KCNA7: variants seen among roughly 807,000 people sequenced by gnomAD.
KCNA7 encodes potassium channel, voltage gated shaker related subfamily A, member 7.
KCNA7 carries 15 observed loss-of-function variants against 21.5 expected under a neutral mutation model. That is an observed-to-expected ratio of 0.70 (90% CI 0.47 to 1.07). The LOEUF (loss-of-function observed/expected upper bound fraction) is 1.07. KCNA7 is among the 50% of genes least tolerant of loss of function. KCNA7 has a pLI of 0.00. For synonymous variants in KCNA7, 298 were observed against 291.0 expected (o/e 1.02, Z -0.24); for missense variants, 640 against 651.6 (o/e 0.98, Z 0.19).
At position 49,070,592 on chromosome 19, in the gene KCNA7, C is replaced by T. The variant is rs1319506687; in HGVS notation, c.842G>A (p.Arg281Gln). 3.1e-6 allele frequency: 5 copies of T among 1,614,182 alleles called. No homozygotes were observed. Among genetic ancestry groups the T allele is most frequent in the South Asian group, 1.1e-5 (1 of 91,084 alleles). The change falls in exon 2 of 2, where the codon CGA becomes CAA. Residue 281 changes from arginine to glutamine, a missense_variant. Arg to Gln is a conservative substitution (Grantham distance 43). Transcript: ENST00000221444. This position sits in a 1 kb window ranked among gnomAD's most constrained non-coding sequence, Gnocchi z 4.3. ...AMSLAILRVIRLVRVFRIFKL... is the reference protein window; with the variant it reads ...AMSLAILRVIQLVRVFRIFKL... ...GAAGATGCGGAAGACACGCACCAAT[C>T]GGATGACTCTCAGGATGGCCAGTGA...
At chr19:49,071,806 G>C (rs1240443414) in intron 1 of KCNA7, among the ~76,000 whole-genome samples, 3 of 152,032 alleles carry the variant, frequency 2.0e-5, no homozygotes, top group African/African-American at 7.3e-5. Flanking sequence ...TTGCATCAAG[G>C]GCCCTGCCCT....
Position 49,072,302 on chromosome 19 carries a change from A to T in KCNA7, c.284T>A (p.Phe95Tyr). The change falls in exon 1 of 2, where the codon TTC (phenylalanine) becomes TAC (tyrosine). Residue 95 changes from phenylalanine to tyrosine, a missense_variant. Physicochemically the swap from Phe to Tyr is conservative, Grantham distance 22. Coordinates refer to ENST00000221444, the MANE Select transcript of KCNA7 (RefSeq NM_031886.3). ...PLDVFLEEVA[F>Y]YGLGAAALAR... is the part of the protein sequence containing the mutation. ...CAGGGCCGCCGCGCCCAGCCCGTAG[A>T]AGGCCACCTCTTCCAGGAAGACGTC... The T allele has an allele frequency of 6.3e-7, 1 of 1,586,808 alleles. No homozygotes were observed. The highest frequency in any genetic ancestry group is 2.4e-5 in the East Asian group (1 of 42,550).
At chr19:49,071,209 C>T (rs1297505030) in intron 1 of KCNA7, among the ~76,000 whole-genome samples, 1 of 152,098 alleles carries the variant, frequency 6.6e-6, no homozygotes, top group Non-Finnish European at 1.5e-5. Context: ...AGCATCCCTG[C>T]CCTGGCCCCA....
In KCNA7 at chr19:49,070,347, C is replaced by T. The variant is rs748270841; in HGVS notation, c.1087G>A (p.Asp363Asn). 6.2e-7 allele frequency: 1 copy of T among 1,614,184 alleles called. No individual in the cohort carries two copies. Among genetic ancestry groups the T allele is most frequent in the Non-Finnish European group, 8.5e-7 (1 of 1,180,058 alleles). Residue 363 changes from aspartate to asparagine, a missense_variant, in exon 2 of 2, where the codon GAC becomes AAC. Physicochemically the swap from Asp to Asn is conservative, Grantham distance 23. Coordinates refer to ENST00000221444, the MANE Select transcript of KCNA7 (RefSeq NM_031886.3). The surrounding 1 kb of genome is among the most constrained non-coding windows in gnomAD (Gnocchi z 4.3). Reference sequence around the variant, plus strand: ...CCACCCACAGTGACGGGTGCCATGTCTCCATAGCCAACTGTAGTCATGGTG... The same window carrying T: ...CCACCCACAGTGACGGGTGCCATGTTTCCATAGCCAACTGTAGTCATGGTG... The part of the protein sequence containing the change: ...VVTMTTVGYG[D>N]MAPVTVGGKI...
rs2040234770 is a variant in KCNA7 at position 49,068,576 on chromosome 19, G to C, written c.*1487C>G. The C allele has an allele frequency of 6.6e-6, 1 of 152,400 alleles. No individual in the cohort carries two copies. Among genetic ancestry groups the C allele is most frequent in the African/African-American group, 2.4e-5 (1 of 41,446 alleles). 9.4% of individuals were successfully genotyped at this position (152,400 alleles called of 1,614,324 possible). ...AATCCCCCTTCCTCGGTCTCCCAGA[G>C]TGCTGAGATTACAGGCATGGGCCAC... On this transcript the variant is annotated 3_prime_UTR_variant, in exon 2 of 2. Transcript: ENST00000221444.
rs1449838790 is a variant in KCNA7 at position 49,070,268 on chromosome 19, G to A, written c.1166C>T (p.Pro389Leu). 1 of 1,614,084 alleles carries A rather than the reference G, an allele frequency of 6.2e-7. No individual in the cohort carries two copies. The highest frequency in any genetic ancestry group is 1.3e-5 in the African/African-American group (1 of 74,934). ...GAAATTGGAGACAATGACGGGCACT[G>A]GCAGGGAAATAGTCAGCACGCCCGC... ...AIAGVLTISL[P>L]VPVIVSNFSY... is the part of the protein sequence containing the mutation. Residue 389 changes from proline (P) to leucine (L), a missense_variant, in exon 2 of 2, where the codon CCA (proline) becomes CTA (leucine). Pro to Leu is a moderately conservative substitution (Grantham distance 98). Transcript: ENST00000221444. This position sits in a 1 kb window ranked among gnomAD's most constrained non-coding sequence, Gnocchi z 4.3.
Position 49,070,317 on chromosome 19 carries a change from T to G in KCNA7, c.1117A>C (p.Ile373Leu), listed in dbSNP as rs370367266. The G allele has an allele frequency of 6.2e-7, 1 of 1,614,136 alleles. No homozygotes were observed. Among genetic ancestry groups the G allele is most frequent in the African/African-American group, 1.3e-5 (1 of 75,026 alleles). ...DMAPVTVGGKIVGSLCAIAGV... is the reference protein window; with the variant it reads ...DMAPVTVGGKLVGSLCAIAGV... ...GCAATGGCACACAGAGAGCCCACTA[T>G]CTTGCCACCCACAGTGACGGGTGCC... The change falls in exon 2 of 2, where the codon ATA becomes CTA. Residue 373 changes from isoleucine (I) to leucine (L), a missense_variant. Coordinates refer to ENST00000221444, the MANE Select transcript of KCNA7 (RefSeq NM_031886.3). This position sits in a 1 kb window ranked among gnomAD's most constrained non-coding sequence, Gnocchi z 4.3.
Position 49,071,929 on chromosome 19 carries a change from C to G in KCNA7, c.555+102G>C, listed in dbSNP as rs933100957. On this transcript the variant is annotated intron_variant, in intron 1 of 1. Coordinates refer to ENST00000221444, the MANE Select transcript of KCNA7 (RefSeq NM_031886.3). ...CACCCTGTCTTCGGCTGGCCCACCC[C>G]TCGCAGCCCCTGGCCCCGCCTTATG... is the stretch of plus-strand genomic sequence containing the variant. 5.8e-6 allele frequency: 7 copies of G among 1,198,686 alleles called. No individual in the cohort carries two copies. In the African/African-American group the frequency reaches 1.1e-4, roughly 19 times the overall value. 74.3% of individuals were successfully genotyped at this position (1,198,686 alleles called of 1,614,324 possible).
At position 49,072,234 on chromosome 19, in the gene KCNA7, G is replaced by T. The variant is rs751719528; in HGVS notation, c.352C>A (p.Arg118Ser). ...EDEGCPVPPE[R>S]PLPRRAFARQ... Reference sequence around the variant, plus strand: ...GCGAAGGCGCGGCGGGGCAGGGGGCGCTCGGGCGGCACCGGGCAGCCCTCG... The same window carrying T: ...GCGAAGGCGCGGCGGGGCAGGGGGCTCTCGGGCGGCACCGGGCAGCCCTCG... The change falls in exon 1 of 2, where the codon CGC becomes AGC. Residue 118 changes from arginine to serine, a missense_variant. Transcript: ENST00000221444. 7.5e-6 allele frequency: 12 copies of T among 1,593,796 alleles called. No homozygotes were observed. The highest frequency in any genetic ancestry group is 3.4e-5 in the Admixed American group (2 of 58,224).
rs1273972373 is a variant in KCNA7 at position 49,071,989 on chromosome 19, C to T, written c.555+42G>A. On this transcript the variant is annotated intron_variant, in intron 1 of 1. Coordinates refer to ENST00000221444, the MANE Select transcript of KCNA7 (RefSeq NM_031886.3). Reference sequence around the variant, plus strand: ...GTCCCCTCTGGACCCCGCCCATCTCCTCCCAAACCCCGCCCGTCTCCACCC... The same window carrying T: ...GTCCCCTCTGGACCCCGCCCATCTCTTCCCAAACCCCGCCCGTCTCCACCC... 4 of 1,504,182 alleles carry T rather than the reference C, an allele frequency of 2.7e-6. No homozygotes were observed. The East Asian group carries it at 7.4e-5, about 28-fold the overall frequency. 93.2% of individuals were successfully genotyped at this position (1,504,182 alleles called of 1,614,324 possible). A position where few individuals can be genotyped will look rare whatever the true frequency, so the allele number is the denominator to read the frequency against.
Position 49,072,131 on chromosome 19 carries a change from A to C in KCNA7, c.455T>G (p.Val152Gly), listed in dbSNP as rs1326903233. ...ARVLAVVSVLVILVSIVVFCL... is the reference protein window; with the variant it reads ...ARVLAVVSVLGILVSIVVFCL... ...GAAGACGACGATGGAGACGAGGATGACCAGCACGGAGACTACGGCGAGCAC... is the reference window on the plus strand; with the variant it reads ...GAAGACGACGATGGAGACGAGGATGCCCAGCACGGAGACTACGGCGAGCAC... The change falls in exon 1 of 2, where the codon GTC becomes GGC. Residue 152 changes from valine (V) to glycine (G), a missense_variant. Val to Gly is a moderately radical substitution (Grantham distance 109). Coordinates refer to ENST00000221444, the MANE Select transcript of KCNA7 (RefSeq NM_031886.3). 1 of 1,612,324 alleles carries C rather than the reference A, an allele frequency of 6.2e-7. No individual in the cohort carries two copies. The highest frequency in any genetic ancestry group is 8.5e-7 in the Non-Finnish European group (1 of 1,179,710).
intron 1 of KCNA7, among the ~76,000 whole-genome samples, chr19:49,071,457 A>C (rs1383154015): frequency 6.6e-6 from 1 of 151,826 alleles, no homozygotes; most frequent in East Asian, 1.9e-4. Flanking sequence ...TTGGGAGGCT[A>C]AGGCAGGAGA....
At position 49,069,750 on chromosome 19, in the gene KCNA7, T is replaced by C. The variant is rs543890063; in HGVS notation, c.*313A>G. ...ACACTGACCTAGGAAACTCACAAAA[T>C]GATACGACCAAACCTATCTCAACAC... is the stretch of plus-strand genomic sequence containing the variant. On this transcript the variant is annotated 3_prime_UTR_variant, in exon 2 of 2. Transcript: ENST00000221444. The C allele has an allele frequency of 7.4e-5, 23 of 312,334 alleles. 1 individual carries two copies. In the South Asian group the frequency reaches 1.3e-3, roughly 18 times the overall value. The allele number at this position is 312,334 out of a possible 1,614,324, so 19.3% of individuals were successfully genotyped here. A position where few individuals can be genotyped will look rare whatever the true frequency, so the allele number is the denominator to read the frequency against.
Position 49,072,033 on chromosome 19 carries a change from G to A in KCNA7, c.553C>T (p.Pro185Ser). Reference protein sequence around the residue: ...TGLAAAAAAGPFPAPLNGSSQ... With the variant: ...TGLAAAAAAGSFPAPLNGSSQ... ...TCCACCCACGCCCCGCCTCTCACCGGGCCGGCTGCGGCTGCAGCAGCAAGC... is the reference window on the plus strand; with the variant it reads ...TCCACCCACGCCCCGCCTCTCACCGAGCCGGCTGCGGCTGCAGCAGCAAGC... The change falls in exon 1 of 2, where the codon CCG (proline) becomes TCG (serine). Residue 185 changes from proline to serine, a missense_variant and splice_region_variant. By Grantham distance (74) the Pro-to-Ser change is moderately conservative (BLOSUM62 -1). Transcript: ENST00000221444. 6.3e-7 allele frequency: 1 copy of A among 1,595,752 alleles called. No homozygotes were observed. Among genetic ancestry groups the A allele is most frequent in the South Asian group, 1.1e-5 (1 of 89,410 alleles).
rs1310917647 is a variant in KCNA7, at chr19:49,070,851, G to A, written c.583C>T (p.Gln195Ter). The A allele has an allele frequency of 3.1e-6, 5 of 1,613,842 alleles. No homozygotes were observed. Among genetic ancestry groups the A allele is most frequent in the Non-Finnish European group, 4.2e-6 (5 of 1,179,910 alleles). Residue 195 changes from glutamine (Q) to a stop codon, truncating the protein, a stop_gained, in exon 2 of 2, where the codon CAA becomes TAA. Transcript: ENST00000221444. LOFTEE classifies it high-confidence loss of function. The surrounding 1 kb of genome is among the most constrained non-coding windows in gnomAD (Gnocchi z 4.3). ...AGGCGGGGTGGATTTCCAGGCATTT[G>A]GCTGGAGCCATTCAGCGGAGCGGGG... ...PFPAPLNGSS[Q>*]MPGNPPRLPF...
Position 49,070,799 on chromosome 19 carries a change from A to G in KCNA7, c.635T>C (p.Val212Ala), listed in dbSNP as rs199609119. 1.7e-5 allele frequency: 27 copies of G among 1,614,098 alleles called. No homozygotes were observed. The highest frequency in any genetic ancestry group is 8.3e-5 in the Admixed American group (5 of 59,998). ...RLPFNDPFFV[V>A]ETLCICWFSF... ...GAACCAACAAATACACAGCGTCTCC[A>G]CCACGAAGAACGGGTCATTGAAGGG... The change falls in exon 2 of 2, where the codon GTG becomes GCG. Residue 212 changes from valine (V) to alanine (A), a missense_variant. Val to Ala is a moderately conservative substitution (Grantham distance 64). Coordinates refer to ENST00000221444, the MANE Select transcript of KCNA7 (RefSeq NM_031886.3). This position sits in a 1 kb window ranked among gnomAD's most constrained non-coding sequence, Gnocchi z 4.3.
chr19:49,071,564 T>A (rs893882138), intron 1 of KCNA7, among the ~76,000 whole-genome samples: 3 of 143,868 alleles, frequency 2.1e-5, no homozygotes, highest in Non-Finnish European at 3.1e-5. Flanking sequence ...TCACAGGAAA[T>A]AAAAAAAAAA....
chr19:49,072,605 A>G lies in KCNA7; in HGVS notation c.-20T>C. The G allele has an allele frequency of 8.3e-7, 1 of 1,198,588 alleles. No individual in the cohort carries two copies. The highest frequency in any genetic ancestry group is 3.8e-5 in the South Asian group (1 of 26,414). The allele number at this position is 1,198,588 out of a possible 1,614,324, so 74.2% of individuals were successfully genotyped here. ...CTCCATGGCGCGCGCAGCCCCGGCG[A>G]CCCGCGAACCGACGTGTGGCCCCGA... On this transcript the variant is annotated 5_prime_UTR_variant, in exon 1 of 2. Transcript: ENST00000221444.
In KCNA7 at chr19:49,070,818, T is replaced by C. The variant is rs1252581535; in HGVS notation, c.616A>G (p.Asn206Asp). ...GTCTCCACCACGAAGAACGGGTCAT[T>C]GAAGGGCAGGCGGGGTGGATTTCCA... Reference protein sequence around the residue: ...MPGNPPRLPFNDPFFVVETLC... With the variant: ...MPGNPPRLPFDDPFFVVETLC... Residue 206 changes from asparagine to aspartate, a missense_variant, in exon 2 of 2, where the codon AAT (asparagine) becomes GAT (aspartate). By Grantham distance (23) the Asn-to-Asp change is conservative. Coordinates refer to ENST00000221444, the MANE Select transcript of KCNA7 (RefSeq NM_031886.3). This position sits in a 1 kb window ranked among gnomAD's most constrained non-coding sequence, Gnocchi z 4.3. 6.2e-7 allele frequency: 1 copy of C among 1,614,118 alleles called. No individual in the cohort carries two copies. Among genetic ancestry groups the C allele is most frequent in the East Asian group, 2.2e-5 (1 of 44,874 alleles).
Sources: allele counts gnomAD v4.1 joint callset (sites outside exome capture counted in the v4.1 genomes callset), GRCh38; gene constraint gnomAD v4.1.1; non-coding constraint Gnocchi (gnomAD v3.1); transcripts MANE v1.5; gene names NCBI Gene and HGNC (gene_info 2026-07-23, HGNC 2026-07-21).